Variants in XKR9 observed in about 807,000 individuals in gnomAD.
XKR9 encodes the protein XK related 9.
XKR9 carries 32 observed loss-of-function variants against 32.0 expected under a neutral mutation model. That is an observed-to-expected ratio of 1.00 (90% CI 0.76 to 1.34). The LOEUF (loss-of-function observed/expected upper bound fraction) is 1.34. Ranked by LOEUF, XKR9 falls within the 40% of genes most tolerant of loss-of-function variation. The pLI is 0.00. For missense variants in XKR9, 546 were observed against 429.7 expected (o/e 1.27, Z -2.39); for synonymous variants, 168 against 143.4 (o/e 1.17, Z -1.22).
At chr8:70,936,152 A>G in the XKR9 span, among the ~76,000 whole-genome samples, 5 of 152,096 alleles carry the variant, frequency 3.3e-5, no homozygotes, top group Non-Finnish European at 7.4e-5. Context: ...CAATAAGGTC[A>G]GAAATGATAA....
chr8:70,973,814 CGTT>C, the XKR9 span, among the ~76,000 whole-genome samples: 1 of 152,150 alleles, frequency 6.6e-6, no homozygotes, highest in African/African-American at 2.4e-5. Context: ...ATTCCACTGT[CGTT>C]GGAGAGAGTA....
At chr8:70,917,559 T>C in the XKR9 span, among the ~76,000 whole-genome samples, 51 of 152,328 alleles carry the variant, frequency 3.3e-4, no homozygotes, top group African/African-American at 1.2e-3. Flanking sequence ...GATGGGCTTA[T>C]CAGGATGTAA....
At chr8:70,763,110 C>G (rs1563472440) in intron 2 of XKR9, among the ~76,000 whole-genome samples, 1 of 152,064 alleles carries the variant, frequency 6.6e-6, no homozygotes, top group African/African-American at 2.4e-5. Context: ...GAATCTCAGG[C>G]TGTAGTCTGT....
At chr8:70,967,730 A>AT in the XKR9 span, among the ~76,000 whole-genome samples, 724 of 146,364 alleles carry the variant, frequency 4.9e-3, 7 homozygotes, top group African/African-American at 0.015. Flanking sequence ...CTGGGTTGCA[A>AT]TTTTTTTTTT....
At chr8:70,824,630 A>G in the XKR9 span, among the ~76,000 whole-genome samples, 2 of 152,106 alleles carry the variant, frequency 1.3e-5, no homozygotes, top group Non-Finnish European at 2.9e-5. Context: ...AATTTAAAGA[A>G]GTTAAACACT....
Position 70,698,745 on chromosome 8 carries a change from A to G in XKR9, c.273-8188A>G, listed in dbSNP as rs1284481876. Among the ~76,000 whole-genome samples the G allele has an allele frequency of 3.9e-5, 6 of 152,032 alleles. No individual in the cohort carries two copies. The South Asian group carries it at 1.2e-3, about 32-fold the overall frequency. On this transcript the variant is annotated intron_variant, in intron 3 of 4. Transcript: ENST00000408926. ...GTTCAATTCCTGGGTATCCTCGTTA[A>G]CTTTCTGTCTTGTTGATCTGTCTAA...
intron 2 of XKR9, among the ~76,000 whole-genome samples, chr8:70,771,451 C>T (rs1279830340): frequency 2.0e-5 from 3 of 152,158 alleles, no homozygotes. Flanking sequence ...CAAGTGATTA[C>T]TAAATTTTTT....
chr8:70,763,665 A>AT (rs1248568037), intron 2 of XKR9, among the ~76,000 whole-genome samples: 2 of 152,152 alleles, frequency 1.3e-5, no homozygotes, highest in Non-Finnish European at 2.9e-5. Flanking sequence ...TGAAAAAATT[A>AT]TTTTTTTCCC....
At chr8:71,021,744 G>A in the XKR9 span, among the ~76,000 whole-genome samples, 102 of 152,028 alleles carry the variant, frequency 6.7e-4, no homozygotes, top group Non-Finnish European at 1.1e-3. Flanking sequence ...CTCGTGATCC[G>A]CCCGTCTCGG....
chr8:70,866,926 T>C, the XKR9 span, among the ~76,000 whole-genome samples: 2 of 152,216 alleles, frequency 1.3e-5, no homozygotes, highest in African/African-American at 4.8e-5. Flanking sequence ...TGTTGTATGT[T>C]TAAAGACACA....
chr8:71,003,129 T>C, the XKR9 span, among the ~76,000 whole-genome samples: 1 of 152,258 alleles, frequency 6.6e-6, no homozygotes, highest in African/African-American at 2.4e-5. Context: ...CTCTTTCACA[T>C]GAAGCTTATT....
At chr8:70,816,780 G>GAATAGGCTT in the XKR9 span, among the ~76,000 whole-genome samples, 1 of 152,064 alleles carries the variant, frequency 6.6e-6, no homozygotes, top group African/African-American at 2.4e-5. Context: ...CACCATGATT[G>GAATAGGCTT]AATAGGCTTC....
At chr8:71,052,377 G>A in the XKR9 span, among the ~76,000 whole-genome samples, 1 of 152,148 alleles carries the variant, frequency 6.6e-6, no homozygotes, top group Non-Finnish European at 1.5e-5. Context: ...CTGCATGGGC[G>A]TTAATGATGC....
chr8:71,026,585 T>C, the XKR9 span, among the ~76,000 whole-genome samples: 11 of 152,224 alleles, frequency 7.2e-5, no homozygotes, highest in African/African-American at 2.7e-4. Flanking sequence ...TGGAATTGGA[T>C]AATCAAATGC....
chr8:70,852,411 T>C, the XKR9 span, among the ~76,000 whole-genome samples: 1 of 151,380 alleles, frequency 6.6e-6, no homozygotes, highest in Non-Finnish European at 1.5e-5. Flanking sequence ...TACCTTTGGA[T>C]ATATACCCAG....
chr8:70,750,327 G>T (rs761740616), intron 2 of XKR9, among the ~76,000 whole-genome samples: 3 of 152,208 alleles, frequency 2.0e-5, no homozygotes, highest in Non-Finnish European at 4.4e-5. Flanking sequence ...TCCTAGAGAA[G>T]TGAATGGAGT....
intron 2 of XKR9, among the ~76,000 whole-genome samples, chr8:70,773,896 T>C (rs1443919130): frequency 6.6e-6 from 1 of 152,218 alleles, no homozygotes; most frequent in Non-Finnish European, 1.5e-5. Context: ...TAGGGTCATC[T>C]TCATGTAGAT....
At chr8:70,832,890 G>A in the XKR9 span, among the ~76,000 whole-genome samples, 3 of 152,124 alleles carry the variant, frequency 2.0e-5, no homozygotes, top group East Asian at 1.9e-4. Context: ...AGAAGACAAC[G>A]TCTGTCTTTT....
chr8:70,841,931 A>G, the XKR9 span, among the ~76,000 whole-genome samples: 1 of 152,324 alleles, frequency 6.6e-6, no homozygotes, highest in South Asian at 2.1e-4. Flanking sequence ...GAAACTATGT[A>G]AATATCTGTT....
Sources: allele counts gnomAD v4.1 joint callset (sites outside exome capture counted in the v4.1 genomes callset), GRCh38; gene constraint gnomAD v4.1.1; transcripts MANE v1.5; gene names NCBI Gene and HGNC (gene_info 2026-07-23, HGNC 2026-07-21).